Variants in RFX4 observed in about 807,000 individuals in gnomAD.
RFX4 encodes the protein transcription factor RFX4.
In RFX4, 10 loss-of-function variants were observed where a neutral mutation model predicts 95.0. The observed-to-expected ratio is 0.11, with a 90% CI of 0.06 to 0.18. The LOEUF is 0.18. Among genes scored for constraint, RFX4 ranks in the 10% least tolerant of loss-of-function variants. RFX4 has a pLI of 1.00. For synonymous variants in RFX4, 321 were observed against 340.7 expected, an observed-to-expected ratio of 0.94 and a Z score of 0.64; for missense variants, 640 against 922.0, an observed-to-expected ratio of 0.69 and a Z score of 3.96.
intron 2 of RFX4, among the ~76,000 whole-genome samples, chr12:106,628,587 C>T (rs529494618): frequency 1.8e-4 from 27 of 152,174 alleles, no homozygotes; most frequent in African/African-American, 6.5e-4. Flanking sequence ...ATAGATAATA[C>T]AGCCATATGG....
Position 106,592,637 on chromosome 12 carries a change from A to G in RFX4, c.43+9274A>G, listed in dbSNP as rs1205330402. 5.6e-5 allele frequency among the ~76,000 whole-genome samples: 5 copies of G among 88,978 alleles called. No individual in the cohort carries two copies. The South Asian group carries it at 2.0e-3, about 36-fold the overall frequency. 58.4% of individuals were successfully genotyped at this position (88,978 alleles called of 152,430 possible). ...TCCCCCCACCCCAGCCCCCTCAACC[A>G]CCCAACCCTCTTATGTTTTTAGGCA... On this transcript the variant is annotated intron_variant, in intron 1 of 17. Transcript: ENST00000392842.
In RFX4 at chr12:106,598,456, T is replaced by C. The variant is rs562998334; in HGVS notation, c.44-10341T>C. On this transcript the variant is annotated intron_variant, in intron 1 of 17. Transcript: ENST00000392842. ...TACGTGCACTTATAGATATGAGACT[T>C]GCGACCAACACACACAAAAAAAGAA... Among the ~76,000 whole-genome samples, 90 of 152,260 alleles carry C rather than the reference T, an allele frequency of 5.9e-4. 1 individual carries two copies. Among genetic ancestry groups the C allele is most frequent in the African/African-American group, 2.1e-3 (86 of 41,534 alleles).
intron 2 of RFX4, among the ~76,000 whole-genome samples, chr12:106,625,314 T>C (rs925285060): frequency 2.0e-5 from 3 of 152,304 alleles, no homozygotes; most frequent in African/African-American, 7.2e-5. Flanking sequence ...AAATGTGATA[T>C]GGGACTGATA....
intron 15 of RFX4, among the ~76,000 whole-genome samples, chr12:106,739,124 C>CAAGAAAGAAAGAAAGAAAGAAAGA (rs2042762551): frequency 1.2e-5 from 1 of 86,078 alleles, no homozygotes; most frequent in Non-Finnish European, 2.8e-5. Flanking sequence ...AGGACCAAAA[C>CAAGAAAGAAAGAAAGAAAGAAAGA]CAGAAAGAAA....
chr12:106,605,853 G>A (rs982718387), intron 1 of RFX4, among the ~76,000 whole-genome samples: 1 of 152,210 alleles, frequency 6.6e-6, no homozygotes, highest in African/African-American at 2.4e-5. Context: ...GGCATAGACT[G>A]TGGGGTCAGA....
intron 3 of RFX4, among the ~76,000 whole-genome samples, chr12:106,643,547 T>A (rs17038595): frequency 0.1 from 15,975 of 152,218 alleles, 835 homozygotes; most frequent in South Asian, 0.15. Flanking sequence ...GTATAAAAAC[T>A]TTCTCTCTCA....
intron 8 of RFX4, among the ~76,000 whole-genome samples, chr12:106,707,550 C>T (rs1410214776): frequency 6.6e-6 from 1 of 152,012 alleles, no homozygotes; most frequent in Non-Finnish European, 1.5e-5. Context: ...AAAAGGAGGG[C>T]GCAGGTGACA....
At chr12:106,622,657 C>T (rs2040208873) in intron 2 of RFX4, among the ~76,000 whole-genome samples, 1 of 148,580 alleles carries the variant, frequency 6.7e-6, no homozygotes, top group Non-Finnish European at 1.5e-5. Context: ...GAGTCTAGCT[C>T]ACTCTGTTGC....
At chr12:106,625,539 G>A (rs1031697598) in intron 2 of RFX4, among the ~76,000 whole-genome samples, 3 of 152,202 alleles carry the variant, frequency 2.0e-5, no homozygotes, top group Non-Finnish European at 4.4e-5. Flanking sequence ...CAACAAACAG[G>A]AGGATTGTGA....
At chr12:106,632,445 G>A (rs887679068) in intron 2 of RFX4, among the ~76,000 whole-genome samples, 2 of 152,158 alleles carry the variant, frequency 1.3e-5, no homozygotes, top group African/African-American at 4.8e-5. Flanking sequence ...CAGTGAAAAC[G>A]AAAAGGCATT....
chr12:106,600,163 G>A (rs557505611), intron 1 of RFX4, among the ~76,000 whole-genome samples: 38 of 152,312 alleles, frequency 2.5e-4, no homozygotes, highest in African/African-American at 8.9e-4. Context: ...GGAAACACGT[G>A]TTGATACCTG....
At chr12:106,604,407 C>A (rs1056427537) in intron 1 of RFX4, among the ~76,000 whole-genome samples, 1 of 152,054 alleles carries the variant, frequency 6.6e-6, no homozygotes, top group African/African-American at 2.4e-5. Flanking sequence ...CAGGTGTGAG[C>A]CACCACACCT....
chr12:106,754,898 A>G (rs1397323419), intron 17 of RFX4, among the ~76,000 whole-genome samples: 1 of 152,212 alleles, frequency 6.6e-6, no homozygotes, highest in Non-Finnish European at 1.5e-5. Flanking sequence ...TCCATCTGTA[A>G]AATGGGGTGG....
intron 9 of RFX4, among the ~76,000 whole-genome samples, chr12:106,710,833 G>A (rs756084070): frequency 2.2e-4 from 33 of 152,184 alleles, no homozygotes; most frequent in Non-Finnish European, 4.6e-4. Flanking sequence ...GAAATCCACA[G>A]ATATAAGATC....
At chr12:106,746,797 T>C (rs1315762168) in intron 15 of RFX4, among the ~76,000 whole-genome samples, 2 of 152,200 alleles carry the variant, frequency 1.3e-5, no homozygotes, top group African/African-American at 2.4e-5. Context: ...AGTTGAGCGC[T>C]GAAAAGTTAA....
intron 4 of RFX4, among the ~76,000 whole-genome samples, chr12:106,668,600 T>G (rs1008875340): frequency 6.6e-6 from 1 of 152,114 alleles, no homozygotes; most frequent in African/African-American, 2.4e-5. Context: ...TAATTAGGAT[T>G]TATTTACCTT....
intron 6 of RFX4, among the ~76,000 whole-genome samples, chr12:106,688,258 C>T (rs1416119679): frequency 2.6e-5 from 4 of 151,808 alleles, no homozygotes; most frequent in South Asian, 2.1e-4. Context: ...TTAGTAGAGA[C>T]GGGGTTTCAC....
intron 4 of RFX4, among the ~76,000 whole-genome samples, chr12:106,665,098 C>T (rs1345492031): frequency 6.6e-6 from 1 of 151,804 alleles, no homozygotes. Context: ...AAGTTTCCAA[C>T]AGTGATACTG....
intron 8 of RFX4, among the ~76,000 whole-genome samples, chr12:106,702,552 G>A (rs2042011547): frequency 1.3e-5 from 2 of 152,134 alleles, no homozygotes; most frequent in South Asian, 4.1e-4. Context: ...TAGCCTGATT[G>A]GAGCTGGAAG....
Sources: gnomAD v4.1 joint callset for allele counts (sites outside exome capture counted in the v4.1 genomes callset) on GRCh38, gnomAD v4.1.1 for gene constraint, MANE v1.5 for transcripts, NCBI Gene and HGNC (gene_info 2026-07-23, HGNC 2026-07-21) for gene names.